Variants in CDK12 observed in about 807,000 individuals in gnomAD.
CDK12 encodes the protein cyclin-dependent kinase 12.
CDK12 carries 17 observed loss-of-function variants against 133.8 expected under a neutral mutation model. The observed-to-expected ratio is 0.13, with a 90% confidence interval of 0.09 to 0.19. The LOEUF (loss-of-function observed/expected upper bound fraction) is 0.19, where lower values mean the gene tolerates loss of function less well. Among genes scored for constraint, CDK12 ranks in the 10% least tolerant of loss-of-function variants. The pLI, the probability that CDK12 is intolerant of heterozygous loss-of-function variation, is 1.00. For missense variants in CDK12, 1,508 were observed against 1,818.7 expected (o/e 0.83, Z 3.11); for synonymous variants, 694 against 683.6 (o/e 1.02, Z -0.24).
In CDK12 at chr17:39,526,264, T is replaced by G. The variant is rs1409642632; in HGVS notation, c.3708T>G (p.Ser1236Arg). ...SLEENNSDKN[S>R]GPQGPRRTPT... ...AGGAAAACAACAGTGACAAGAACAG[T>G]GGGCCACAGGGGCCCCGAAGAACTC... Residue 1236 changes from serine to arginine, a missense_variant, in exon 13 of 14, where the codon AGT (serine) becomes AGG (arginine). Ser to Arg is a moderately radical substitution (Grantham distance 110). Coordinates refer to ENST00000447079, the MANE Select transcript of CDK12 (RefSeq NM_016507.4). The G allele has an allele frequency of 1.9e-6, 3 of 1,608,578 alleles. No individual in the cohort carries two copies. Among genetic ancestry groups the G allele is most frequent in the Non-Finnish European group, 8.5e-7 (1 of 1,177,728 alleles).
At chr17:39,544,468 T>C (rs567575428), upstream of CDK12, 59 of 295,906 alleles carry the variant, frequency 2.0e-4, no homozygotes, top group Non-Finnish European at 3.6e-4. Context: ...TTCTTTCTTT[T>C]TTTTTTCTTT....
upstream of CDK12, among the ~76,000 whole-genome samples, chr17:39,545,806 T>C (rs2055665487): frequency 6.6e-6 from 1 of 151,326 alleles, no homozygotes; most frequent in Admixed American, 6.6e-5. Flanking sequence ...TCCTTCCTTT[T>C]TTTTTTTGAG....
intron 2 of CDK12, among the ~76,000 whole-genome samples, chr17:39,553,847 A>G (rs2056050335): frequency 6.6e-6 from 1 of 152,132 alleles, no homozygotes; most frequent in South Asian, 2.1e-4. Context: ...ATCCAGGCCT[A>G]TTAGAGCTCT....
chr17:39,524,888 C>T lies in CDK12; in HGVS notation c.3307+3C>T. ...GTCTGGGGCTGGGGATGCAATAGGTCAGTGCCAGAATGGGGCCTTTGTGCT... is the reference window on the plus strand; with the variant it reads ...GTCTGGGGCTGGGGATGCAATAGGTTAGTGCCAGAATGGGGCCTTTGTGCT... On this transcript the variant is annotated splice_donor_region_variant and intron_variant, in intron 12 of 13. Transcript: ENST00000447079. 5.6e-6 allele frequency: 9 copies of T among 1,609,474 alleles called. No individual in the cohort carries two copies. Among genetic ancestry groups the T allele is most frequent in the Non-Finnish European group, 7.6e-6 (9 of 1,177,162 alleles).
At chr17:39,514,001 G>A (rs867808333) in intron 8 of CDK12, among the ~76,000 whole-genome samples, 4 of 152,082 alleles carry the variant, frequency 2.6e-5, no homozygotes, top group South Asian at 2.1e-4. Flanking sequence ...CCGCTGTGAC[G>A]ACAACATTGC....
intron 6 of CDK12, among the ~76,000 whole-genome samples, chr17:39,508,601 G>GT (rs762888468): frequency 6.6e-6 from 1 of 151,986 alleles, no homozygotes; most frequent in Non-Finnish European, 1.5e-5. Flanking sequence ...GGGTCAATAG[G>GT]TGCAGCAAAC....
intron 2 of CDK12, among the ~76,000 whole-genome samples, chr17:39,487,440 C>G (rs747999523): frequency 6.6e-6 from 1 of 152,000 alleles, no homozygotes; most frequent in Non-Finnish European, 1.5e-5. Context: ...AACTACCTGT[C>G]ATAAAAATAG....
chr17:39,510,346 C>T (rs535071894), intron 7 of CDK12, among the ~76,000 whole-genome samples: 4 of 151,842 alleles, frequency 2.6e-5, no homozygotes, highest in African/African-American at 4.8e-5. Flanking sequence ...GTCTCAAACT[C>T]CTGACCTCGT....
chr17:39,498,945 T>G (rs1485647839), intron 5 of CDK12, among the ~76,000 whole-genome samples: 2 of 38 alleles, frequency 0.053, no homozygotes, highest in Non-Finnish European at 0.071. Flanking sequence ...CTTTCTTTCT[T>G]TCTTTCTTTC....
upstream of CDK12, among the ~76,000 whole-genome samples, chr17:39,547,157 C>T (rs954241058): frequency 9.2e-5 from 8 of 86,636 alleles, no homozygotes; most frequent in South Asian, 3.9e-4. Context: ...TTTTTTGAGA[C>T]GGAGTTTCGC....
Position 39,530,695 on chromosome 17 carries a change from C to T in CDK12, c.3852C>T (p.Gly1284=), listed in dbSNP as rs372836497. 5.0e-6 allele frequency: 8 copies of T among 1,611,888 alleles called. No homozygotes were observed. The highest frequency in any genetic ancestry group is 2.7e-5 in the African/African-American group (2 of 74,790). ...CACCTCCACCCCCTCTGGTTGAAGG[C>T]GATCTTTCCAGCGCCCCCCAGGAGT... ...PPPPPPPLVE[G]DLSSAPQELN... The change falls in exon 14 of 14, where the codon GGC becomes GGT. Residue 1284 remains glycine (G), a synonymous_variant. Transcript: ENST00000447079.
chr17:39,504,203 A>G (rs1207316463), intron 6 of CDK12, among the ~76,000 whole-genome samples: 2 of 152,200 alleles, frequency 1.3e-5, no homozygotes, highest in Non-Finnish European at 2.9e-5. Context: ...AGTAACAGGC[A>G]AATCTCTTTT....
At chr17:39,491,515 C>T (rs554291728) in intron 3 of CDK12, among the ~76,000 whole-genome samples, 101 of 152,130 alleles carry the variant, frequency 6.6e-4, no homozygotes, top group African/African-American at 2.3e-3. Flanking sequence ...GGATTACAGG[C>T]GTGAGCCACC....
At chr17:39,505,860 G>A (rs1398648578) in intron 6 of CDK12, among the ~76,000 whole-genome samples, 2 of 152,120 alleles carry the variant, frequency 1.3e-5, no homozygotes, top group Non-Finnish European at 2.9e-5. Context: ...TGGTATATGT[G>A]GGAGTCTTGG....
intron 11 of CDK12, among the ~76,000 whole-genome samples, chr17:39,522,284 A>G (rs951023707): frequency 6.6e-6 from 1 of 151,672 alleles, no homozygotes; most frequent in East Asian, 1.9e-4. Flanking sequence ...ACAGAGTTTC[A>G]CCATATTGGT....
intron 9 of CDK12, among the ~76,000 whole-genome samples, chr17:39,516,418 G>T (rs2053807428): frequency 6.6e-6 from 1 of 151,452 alleles, no homozygotes; most frequent in Admixed American, 6.6e-5. Flanking sequence ...GTGCAGTGGT[G>T]TGATCATAGT....
chr17:39,505,227 C>CAAA (rs149103539), intron 6 of CDK12, among the ~76,000 whole-genome samples: 22 of 47,546 alleles, frequency 4.6e-4, no homozygotes, highest in Middle Eastern at 0.011. Context: ...GACTCCGTTT[C>CAAA]AAAAAAAAAA....
intron 6 of CDK12, among the ~76,000 whole-genome samples, chr17:39,502,389 G>A (rs1270914693): frequency 6.6e-6 from 1 of 151,988 alleles, no homozygotes; most frequent in Non-Finnish European, 1.5e-5. Flanking sequence ...TCCTGACCTC[G>A]TGATCCGCCC....
chr17:39,492,906 A>G lies in CDK12; in HGVS notation c.2248+16A>G. ...AAAGACACAGGTAAATATTGCCACA[A>G]AATTTTAGATGTCAGAATGTTAACA... On this transcript the variant is annotated intron_variant, in intron 4 of 13. Transcript: ENST00000447079. The G allele has an allele frequency of 1.3e-6, 2 of 1,586,386 alleles. No individual in the cohort carries two copies. The highest frequency in any genetic ancestry group is 2.2e-5 in the East Asian group (1 of 44,462).
Sources: allele counts gnomAD v4.1 joint callset (sites outside exome capture counted in the v4.1 genomes callset), GRCh38; gene constraint gnomAD v4.1.1; transcripts MANE v1.5; gene names NCBI Gene and HGNC (gene_info 2026-07-23, HGNC 2026-07-21).